NOCT: variants seen among roughly 807,000 people sequenced by gnomAD.
The protein encoded by NOCT is CCR4 carbon catabolite repression 4-like.
A neutral mutation model predicts 35.0 loss-of-function variants in NOCT; 18 were observed. The observed-to-expected ratio is 0.51, with a 90% CI of 0.36 to 0.76. The LOEUF is 0.76. Among genes scored for constraint, NOCT ranks in the 30% least tolerant of loss-of-function variants. The pLI is 0.01. For missense variants in NOCT, 479 were observed against 541.0 expected (o/e 0.89, Z 1.14); for synonymous variants, 235 against 226.3 (o/e 1.04, Z -0.34).
rs560875752 is a variant in NOCT at position 139,032,628 on chromosome 4, T to C, written c.191-10446T>C. 2.0e-4 allele frequency among the ~76,000 whole-genome samples: 30 copies of C among 152,312 alleles called. No individual in the cohort carries two copies. The East Asian group carries it at 5.4e-3, about 27-fold the overall frequency. On this transcript the variant is annotated intron_variant, in intron 1 of 2. Transcript: ENST00000280614. ...CACATAAAATTAGACCTGAAGCCAATTTGAGTGCCAAATAGAGTTCAGCAG... is the reference window on the plus strand; with the variant it reads ...CACATAAAATTAGACCTGAAGCCAACTTGAGTGCCAAATAGAGTTCAGCAG...
At chr4:139,022,244 C>T (rs1726429987) in intron 1 of NOCT, among the ~76,000 whole-genome samples, 1 of 152,154 alleles carries the variant, frequency 6.6e-6, no homozygotes, top group South Asian at 2.1e-4. Flanking sequence ...GAAAATCAGC[C>T]TTCCCACGGA....
At chr4:139,042,071 CTTT>C (rs368776726) in intron 1 of NOCT, among the ~76,000 whole-genome samples, 27 of 108,738 alleles carry the variant, frequency 2.5e-4, no homozygotes, top group Admixed American at 9.4e-4. Context: ...TCTTTAAGAT[CTTT>C]TTTTTTTTTT....
At chr4:139,024,503 C>T (rs1368313150) in intron 1 of NOCT, among the ~76,000 whole-genome samples, 1 of 152,122 alleles carries the variant, frequency 6.6e-6, no homozygotes, top group Non-Finnish European at 1.5e-5. Flanking sequence ...TAATGTCTCT[C>T]GTACTTTAAA....
intron 1 of NOCT, among the ~76,000 whole-genome samples, chr4:139,025,324 A>G (rs543892304): frequency 1.3e-5 from 2 of 152,176 alleles, no homozygotes; most frequent in East Asian, 3.9e-4. Flanking sequence ...CTATTTCTTG[A>G]TTCAGCTTGG....
chr4:139,045,509 A>ATTTT lies in NOCT; in HGVS notation c.*57_*60dup, dbSNP rs546346607. 35,751 of 364,094 alleles carry ATTTT rather than the reference A, an allele frequency of 0.098. 3,676 individuals carry two copies. The highest frequency in any genetic ancestry group is 0.14 in the Admixed American group (2,019 of 13,996). The allele number at this position is 364,094 out of a possible 1,614,324, so 22.6% of individuals were successfully genotyped here. On this transcript the variant is annotated 3_prime_UTR_variant, in exon 3 of 3. Coordinates refer to ENST00000280614, the MANE Select transcript of NOCT (RefSeq NM_012118.4). ...TTTGTCTTTTTAATCACAGGAGTCT[A>ATTTT]TTTTTTTTTTTTTTTTTTTTTTTTT...
At chr4:139,039,984 T>TC (rs1726806579) in intron 1 of NOCT, among the ~76,000 whole-genome samples, 1 of 151,642 alleles carries the variant, frequency 6.6e-6, no homozygotes, top group Admixed American at 6.6e-5. Flanking sequence ...CGCCTCAGCC[T>TC]CCCAAAGTGC....
At chr4:139,039,885 G>A (rs935484398) in intron 1 of NOCT, among the ~76,000 whole-genome samples, 1 of 151,960 alleles carries the variant, frequency 6.6e-6, no homozygotes, top group African/African-American at 2.4e-5. Context: ...CCAACACCAT[G>A]CCTGGCTAAT....
At chr4:139,034,662 C>G (rs566781263) in intron 1 of NOCT, among the ~76,000 whole-genome samples, 2 of 152,132 alleles carry the variant, frequency 1.3e-5, no homozygotes, top group African/African-American at 4.8e-5. Flanking sequence ...GCTTCAAACA[C>G]CTGGGCTCAA....
chr4:139,043,185 A>G lies in NOCT; in HGVS notation c.302A>G (p.His101Arg). 2 of 1,614,162 alleles carry G rather than the reference A, an allele frequency of 1.2e-6. No individual in the cohort carries two copies. Among genetic ancestry groups the G allele is most frequent in the Non-Finnish European group, 1.7e-6 (2 of 1,180,024 alleles). Residue 101 changes from histidine to arginine, a missense_variant, in exon 2 of 3, where the codon CAT (histidine) becomes CGT (arginine). By Grantham distance (29) the His-to-Arg change is conservative. Around this residue, in one of 2 missense-constraint regions of NOCT, gnomAD observed 265 missense variants for 257.0 expected, o/e 1.03. Coordinates refer to ENST00000280614, the MANE Select transcript of NOCT (RefSeq NM_012118.4). The part of the protein sequence containing the change: ...PEYLVSPDPE[H>R]LEPIDPKELL... Reference sequence around the variant, plus strand: ...TATTTGGTGTCACCTGACCCAGAGCATCTGGAGCCCATTGATCCTAAAGAG... The same window carrying G: ...TATTTGGTGTCACCTGACCCAGAGCGTCTGGAGCCCATTGATCCTAAAGAG...
In NOCT at chr4:139,044,822, C is replaced by T. The variant is rs1194960110; in HGVS notation, c.644C>T (p.Thr215Met). 6 of 1,614,184 alleles carry T rather than the reference C, an allele frequency of 3.7e-6. No individual in the cohort carries two copies. The highest frequency in any genetic ancestry group is 1.1e-5 in the South Asian group (1 of 91,084). The change falls in exon 3 of 3, where the codon ACG (threonine) becomes ATG (methionine). Residue 215 changes from threonine (T) to methionine (M), a missense_variant. Thr to Met is a moderately conservative substitution (Grantham distance 81). Transcript: ENST00000280614. The part of the protein sequence containing the change: ...PLLSRLGYQG[T>M]FFPKPWSPCL... Reference sequence around the variant, plus strand: ...CTCAGTAGACTAGGCTATCAAGGCACGTTTTTCCCCAAACCCTGGTCACCT... The same window carrying T: ...CTCAGTAGACTAGGCTATCAAGGCATGTTTTTCCCCAAACCCTGGTCACCT...
At chr4:139,018,544 T>C (rs760616084) in intron 1 of NOCT, among the ~76,000 whole-genome samples, 1 of 152,252 alleles carries the variant, frequency 6.6e-6, no homozygotes, top group African/African-American at 2.4e-5. Flanking sequence ...CTAGACAATT[T>C]TCCTGTTCAT....
chr4:139,035,033 T>C (rs982529992), intron 1 of NOCT, among the ~76,000 whole-genome samples: 2 of 152,220 alleles, frequency 1.3e-5, no homozygotes, highest in Non-Finnish European at 2.9e-5. Context: ...GTCATCTAAT[T>C]GTTGAACTCC....
intron 1 of NOCT, among the ~76,000 whole-genome samples, chr4:139,022,291 C>T (rs1726432066): frequency 6.6e-6 from 1 of 152,140 alleles, no homozygotes; most frequent in Non-Finnish European, 1.5e-5. Context: ...TAGCTGTCCT[C>T]TGTATCTATG....
At chr4:139,038,544 A>G (rs756826719) in intron 1 of NOCT, among the ~76,000 whole-genome samples, 21 of 152,242 alleles carry the variant, frequency 1.4e-4, no homozygotes, top group Non-Finnish European at 2.8e-4. Context: ...CTAAAAGACA[A>G]CAGGGAATGA....
intron 1 of NOCT, among the ~76,000 whole-genome samples, chr4:139,020,772 G>A (rs1311318643): frequency 1.3e-5 from 2 of 152,156 alleles, no homozygotes; most frequent in African/African-American, 4.8e-5. Flanking sequence ...AGAGCCTTAA[G>A]ACCTTTGGTC....
chr4:139,044,985 G>A lies in NOCT; in HGVS notation c.807G>A (p.Gln269=), dbSNP rs1254554927. 17 of 1,614,186 alleles carry A rather than the reference G, an allele frequency of 1.1e-5. No individual in the cohort carries two copies. The highest frequency in any genetic ancestry group is 1.4e-5 in the Non-Finnish European group (17 of 1,179,998). ...AAACCAACCAGGTGGCCATTGCACA[G>A]ACCCTGGAGTGCAAGGAGTCAGGCC... The part of the protein sequence containing the change: ...TLKTNQVAIA[Q]TLECKESGRQ... The change falls in exon 3 of 3, where the codon CAG becomes CAA. Residue 269 remains glutamine (Q), a synonymous_variant. Transcript: ENST00000280614.
At chr4:139,023,565 A>G (rs554872803) in intron 1 of NOCT, among the ~76,000 whole-genome samples, 1 of 152,084 alleles carries the variant, frequency 6.6e-6, no homozygotes, top group African/African-American at 2.4e-5. Context: ...GCGCGATGTC[A>G]GCTCACTGCA....
chr4:139,016,417 C>T (rs943247679), intron 1 of NOCT, among the ~76,000 whole-genome samples: 2 of 152,024 alleles, frequency 1.3e-5, no homozygotes, highest in Non-Finnish European at 2.9e-5. Context: ...CCGCTTGACC[C>T]TTAGAGGCCA....
chr4:139,031,668 G>A (rs1270487135), intron 1 of NOCT, among the ~76,000 whole-genome samples: 1 of 152,086 alleles, frequency 6.6e-6, no homozygotes, highest in African/African-American at 2.4e-5. Flanking sequence ...AGTATTAAGG[G>A]TGTACATATA....
Sources: gnomAD v4.1 joint callset for allele counts (sites outside exome capture counted in the v4.1 genomes callset) on GRCh38, gnomAD v4.1.1 for gene constraint, gnomAD v4.1.1 regional missense constraint, MANE v1.5 for transcripts, NCBI Gene and HGNC (gene_info 2026-07-23, HGNC 2026-07-21) for gene names.